Variants in RAB10 observed in about 807,000 individuals in gnomAD.
The protein encoded by RAB10 is RAB10, member RAS oncogene family, also known as ras-related protein Rab-10.
Under a neutral mutation model 25.7 loss-of-function variants are expected in RAB10, and 5 were observed. The ratio of observed to expected loss-of-function variants is 0.19; its 90% CI spans 0.10 to 0.41. RAB10 has a LOEUF of 0.41. Ranked by LOEUF, RAB10 falls within the 10% of genes least tolerant of loss-of-function variation. RAB10 has a pLI of 1.00. For missense variants in RAB10, 103 were observed against 245.8 expected, an observed-to-expected ratio of 0.42 and a Z score of 3.89; for synonymous variants, 89 against 86.4, an observed-to-expected ratio of 1.03 and a Z score of -0.16.
chr2:26,081,941 TAAAG>T (rs1272381364), intron 1 of RAB10, among the ~76,000 whole-genome samples: 1 of 152,088 alleles, frequency 6.6e-6, no homozygotes, highest in East Asian at 1.9e-4. Context: ...TAAGGAATGT[TAAAG>T]GAAGTGTTTT....
chr2:26,100,636 A>G (rs565693263), intron 2 of RAB10, among the ~76,000 whole-genome samples: 2 of 152,306 alleles, frequency 1.3e-5, no homozygotes, highest in South Asian at 2.1e-4. Flanking sequence ...GAGGCATATC[A>G]ATCTGCTCTG....
In RAB10 at chr2:26,105,282, T is replaced by G. The variant is rs538218865; in HGVS notation, c.189-4486T>G. On this transcript the variant is annotated intron_variant, in intron 2 of 5. Transcript: ENST00000264710. Reference sequence around the variant, plus strand: ...TTAGAATGCCAACAAAAGGTATTGTTAACAAGCAGCCAGTGACTTAGAATG... The same window carrying G: ...TTAGAATGCCAACAAAAGGTATTGTGAACAAGCAGCCAGTGACTTAGAATG... Among the ~76,000 whole-genome samples the G allele has an allele frequency of 4.3e-4, 65 of 152,330 alleles. 2 individuals carry two copies. The South Asian group carries it at 0.013, about 30-fold the overall frequency.
upstream of RAB10, among the ~76,000 whole-genome samples, chr2:26,033,504 T>A (rs1281736005): frequency 6.6e-6 from 1 of 152,236 alleles, no homozygotes; most frequent in Admixed American, 6.5e-5. Context: ...CGCTCATGTT[T>A]CCCCGTCAGG....
chr2:26,096,430 CTGGATGGATGGA>C (rs10522075), intron 1 of RAB10, among the ~76,000 whole-genome samples: 1 of 150,462 alleles, frequency 6.6e-6, no homozygotes, highest in Non-Finnish European at 1.5e-5. Context: ...GGCTGGCTGG[CTGGATGGATGGA>C]TGGATGGATG....
chr2:26,096,230 A>G (rs923135277), intron 1 of RAB10, among the ~76,000 whole-genome samples: 2 of 152,150 alleles, frequency 1.3e-5, no homozygotes, highest in Admixed American at 6.5e-5. Flanking sequence ...TTTGCTTTTT[A>G]CTGTCTTTTT....
chr2:26,110,292 T>TGC (rs1431942562), intron 3 of RAB10, among the ~76,000 whole-genome samples: 2 of 147,074 alleles, frequency 1.4e-5, no homozygotes, highest in Non-Finnish European at 3.0e-5. Flanking sequence ...GAGCCAAGAT[T>TGC]GCGCCACTGC....
chr2:26,120,079 T>C (rs1367930841), intron 3 of RAB10, among the ~76,000 whole-genome samples: 1 of 152,262 alleles, frequency 6.6e-6, no homozygotes, highest in East Asian at 1.9e-4. Context: ...ATTTATTGGC[T>C]TCGGCTTCGT....
chr2:26,096,639 A>T (rs1428508460), intron 1 of RAB10, among the ~76,000 whole-genome samples: 4 of 152,080 alleles, frequency 2.6e-5, no homozygotes, highest in African/African-American at 9.7e-5. Context: ...AGAATTACTG[A>T]CTTAACCTGT....
At chr2:26,061,576 A>G (rs1203426699) in intron 1 of RAB10, among the ~76,000 whole-genome samples, 1 of 151,900 alleles carries the variant, frequency 6.6e-6, no homozygotes, top group Non-Finnish European at 1.5e-5. Context: ...TTTTTGGTAG[A>G]GACAGGGTCT....
intron 3 of RAB10, among the ~76,000 whole-genome samples, chr2:26,119,875 C>A (rs1357299901): frequency 6.6e-6 from 1 of 152,190 alleles, no homozygotes; most frequent in African/African-American, 2.4e-5. Flanking sequence ...TGAAATGGTA[C>A]ACATGTATAA....
intron 3 of RAB10, among the ~76,000 whole-genome samples, chr2:26,121,650 CTATTT>C (rs1667805182): frequency 6.6e-6 from 1 of 152,108 alleles, no homozygotes; most frequent in African/African-American, 2.4e-5. Context: ...AGATACTAGT[CTATTT>C]TATTACTACC....
intron 1 of RAB10, among the ~76,000 whole-genome samples, chr2:26,068,774 G>A (rs1041327123): frequency 3.3e-5 from 5 of 152,190 alleles, no homozygotes; most frequent in Non-Finnish European, 7.3e-5. Flanking sequence ...GTCTTGCTGA[G>A]TCATTTCCTC....
intron 1 of RAB10, among the ~76,000 whole-genome samples, chr2:26,063,687 G>A (rs1038898930): frequency 2.0e-5 from 3 of 152,170 alleles, no homozygotes; most frequent in Non-Finnish European, 4.4e-5. Flanking sequence ...TCAGGATCAT[G>A]CATTGAATTT....
chr2:26,098,802 GT>G, intron 2 of RAB10, 80 bp downstream of exon 2: 1 of 1,222,474 alleles, frequency 8.2e-7, no homozygotes, highest in Admixed American at 2.6e-5. Context: ...TTTGTCACAG[GT>G]TTAGATTCTG....
chr2:26,116,857 T>C (rs1050267007), intron 3 of RAB10, among the ~76,000 whole-genome samples: 1 of 149,300 alleles, frequency 6.7e-6, no homozygotes, highest in African/African-American at 2.5e-5. Context: ...CGCCCGGCCT[T>C]TTTTTTTTTC....
At chr2:26,035,654 C>T (rs558283682) in intron 1 of RAB10, among the ~76,000 whole-genome samples, 1 of 152,232 alleles carries the variant, frequency 6.6e-6, no homozygotes, top group South Asian at 2.1e-4. Flanking sequence ...ATTGTGAAAC[C>T]CATCCGCTCC....
At chr2:26,101,820 C>T (rs1024394799) in intron 2 of RAB10, 1 of 152,258 alleles carries the variant, frequency 6.6e-6, no homozygotes, top group African/African-American at 2.4e-5. Flanking sequence ...GAACCTGGTC[C>T]ACTGGCCAGC....
At chr2:26,053,193 G>C (rs1199056621) in intron 1 of RAB10, among the ~76,000 whole-genome samples, 1 of 152,156 alleles carries the variant, frequency 6.6e-6, no homozygotes, top group Non-Finnish European at 1.5e-5. Context: ...AACATTAGTA[G>C]AGTTGGGGTG....
At chr2:26,083,008 A>C (rs1666900982) in intron 1 of RAB10, among the ~76,000 whole-genome samples, 1 of 152,224 alleles carries the variant, frequency 6.6e-6, no homozygotes, top group Non-Finnish European at 1.5e-5. Flanking sequence ...CATAGTAGGC[A>C]TAGACAAAGC....
Sources: gnomAD v4.1 joint callset for allele counts (sites outside exome capture counted in the v4.1 genomes callset) on GRCh38, gnomAD v4.1.1 for gene constraint, MANE v1.5 for transcripts, NCBI Gene and HGNC (gene_info 2026-07-23, HGNC 2026-07-21) for gene names.